The following HHLA1 variants were observed in gnomAD, a reference collection of about 807,000 sequenced individuals.
HHLA1 encodes the protein HERV-H LTR-associating protein 1.
A neutral mutation model predicts 69.9 loss-of-function variants in HHLA1; 72 were observed. That is an observed-to-expected ratio of 1.03 (90% CI 0.85 to 1.25). The LOEUF (loss-of-function observed/expected upper bound fraction) is 1.25, where lower values mean the gene tolerates loss of function less well. HHLA1 is among the 50% of genes most tolerant of loss of function. The probability of loss-of-function intolerance (pLI) is 0.00; values close to 1 mark genes in which losing one functional copy is unlikely to be tolerated. For synonymous variants in HHLA1, 252 were observed against 233.2 expected (o/e 1.08, Z -0.73); for missense variants, 685 against 642.2 (o/e 1.07, Z -0.72).
intron 7 of HHLA1, among the ~76,000 whole-genome samples, chr8:132,089,951 A>T (rs987079711): frequency 6.6e-6 from 1 of 152,174 alleles, no homozygotes; most frequent in Non-Finnish European, 1.5e-5. Flanking sequence ...TTAGAATGCC[A>T]ACTCCATCTG....
intron 7 of HHLA1, among the ~76,000 whole-genome samples, chr8:132,090,063 C>T (rs1227552755): frequency 6.6e-6 from 1 of 152,152 alleles, no homozygotes; most frequent in African/African-American, 2.4e-5. Flanking sequence ...AAACTATGAA[C>T]AATAGAGACA....
At chr8:132,076,450 C>T (rs1193838331) in intron 13 of HHLA1, 25 bp downstream of exon 13, 2 of 1,458,326 alleles carry the variant, frequency 1.4e-6, no homozygotes, top group African/African-American at 1.4e-5. Flanking sequence ...CCCCCAAACC[C>T]CCACTTCCGT....
At position 132,077,784 on chromosome 8, in the gene HHLA1, C is replaced by T. The variant is rs1019577195; in HGVS notation, c.1113G>A (p.Ala371=). The change falls in exon 12 of 17, where the codon GCG becomes GCA. Residue 371 remains alanine, a synonymous_variant. Coordinates refer to ENST00000414222, the MANE Select transcript of HHLA1 (RefSeq NM_001145095.3). Reference sequence around the variant, plus strand: ...GTGTGGCCATTATCTCAGCAGCAGGCGCCAAAAGGCTTGTAGTGTTCATGG... The same window carrying T: ...GTGTGGCCATTATCTCAGCAGCAGGTGCCAAAAGGCTTGTAGTGTTCATGG... ...EEAMNTTSLL[A]PAAEIMATPG... The T allele has an allele frequency of 3.7e-5, 57 of 1,551,628 alleles. No individual in the cohort carries two copies. The highest frequency in any genetic ancestry group is 1.6e-4 in the African/African-American group (12 of 73,142).
chr8:132,083,502 C>T (rs1823798529), intron 10 of HHLA1, among the ~76,000 whole-genome samples: 2 of 152,178 alleles, frequency 1.3e-5, no homozygotes. Flanking sequence ...TGTCAGTCTT[C>T]AGCCGCTAAG....
chr8:132,063,992 G>T lies in HHLA1; in HGVS notation c.*3C>A. On this transcript the variant is annotated 3_prime_UTR_variant, in exon 17 of 17. Coordinates refer to ENST00000414222, the MANE Select transcript of HHLA1 (RefSeq NM_001145095.3). ...GTTATGCCCTAGTGTTATTTTCAAG[G>T]CCTCACACAGACTTGCAGATATTCT... The T allele has an allele frequency of 7.7e-7, 1 of 1,300,076 alleles. No homozygotes were observed. Among genetic ancestry groups the T allele is most frequent in the Non-Finnish European group, 1.0e-6 (1 of 985,098 alleles). 80.5% of individuals were successfully genotyped at this position (1,300,076 alleles called of 1,614,324 possible).
chr8:132,082,247 C>A (rs939669564), intron 10 of HHLA1, among the ~76,000 whole-genome samples: 15 of 152,286 alleles, frequency 9.8e-5, no homozygotes, highest in African/African-American at 3.6e-4. Context: ...GTTATGAGAA[C>A]TGTAGAGAGT....
rs137865472 is a variant in HHLA1, at chr8:132,072,333, T to C, written c.1316-840A>G. 4.6e-3 allele frequency among the ~76,000 whole-genome samples: 697 copies of C among 152,230 alleles called. 6 individuals carry two copies. Among genetic ancestry groups the C allele is most frequent in the African/African-American group, 0.014 (588 of 41,516 alleles). ...AATAGGGAGACCCATCCCTATCATATAGAATGACTGGAAGGATTAAATGAG... is the reference window on the plus strand; with the variant it reads ...AATAGGGAGACCCATCCCTATCATACAGAATGACTGGAAGGATTAAATGAG... On this transcript the variant is annotated intron_variant, in intron 14 of 16. Coordinates refer to ENST00000414222, the MANE Select transcript of HHLA1 (RefSeq NM_001145095.3).
intron 7 of HHLA1, among the ~76,000 whole-genome samples, chr8:132,093,542 T>A (rs1823976255): frequency 1.3e-5 from 2 of 152,312 alleles, no homozygotes; most frequent in African/African-American, 4.8e-5. Context: ...CAGCCTCTCA[T>A]GGTAGCGCTG....
At chr8:132,084,195 C>T (rs964911214) in intron 10 of HHLA1, among the ~76,000 whole-genome samples, 12 of 151,958 alleles carry the variant, frequency 7.9e-5, no homozygotes, top group African/African-American at 2.4e-4. Context: ...AAACTGTAAG[C>T]CGGACCAGGT....
At chr8:132,078,285 C>G (rs973688581) in intron 11 of HHLA1, among the ~76,000 whole-genome samples, 1 of 151,728 alleles carries the variant, frequency 6.6e-6, no homozygotes, top group African/African-American at 2.4e-5. Context: ...TTATTTAATA[C>G]ATTTCTAATC....
chr8:132,067,508 T>C lies in HHLA1; in HGVS notation c.1470-1540A>G, dbSNP rs550209395. ...CCTTTCAAAACTTCCAGAGATAGGA[T>C]GTCAAGGTTGGCCAACTCAACAGCT... On this transcript the variant is annotated intron_variant, in intron 15 of 16. Transcript: ENST00000414222. 3.9e-5 allele frequency among the ~76,000 whole-genome samples: 6 copies of C among 152,204 alleles called. No individual in the cohort carries two copies. The South Asian group carries it at 1.0e-3, about 26-fold the overall frequency.
intron 1 of HHLA1, among the ~76,000 whole-genome samples, chr8:132,106,520 C>G (rs551783837): frequency 6.6e-6 from 1 of 152,336 alleles, no homozygotes; most frequent in East Asian, 1.9e-4. Flanking sequence ...TTTTCCTCAT[C>G]TGCAAAACAG....
At chr8:132,079,631 G>C in intron 11 of HHLA1, 87 bp downstream of exon 11, 2 of 1,371,938 alleles carry the variant, frequency 1.5e-6, no homozygotes, top group Non-Finnish European at 2.0e-6. Context: ...AAGGGATTAA[G>C]GTAAGGATTT....
At position 132,084,964 on chromosome 8, in the gene HHLA1, T is replaced by C. The variant is rs578238341; in HGVS notation, c.676+2689A>G. Among the ~76,000 whole-genome samples, 870 of 148,164 alleles carry C rather than the reference T, an allele frequency of 5.9e-3. 7 individuals are homozygous for C. Among genetic ancestry groups the C allele is most frequent in the African/African-American group, 0.021 (840 of 39,822 alleles). On this transcript the variant is annotated intron_variant, in intron 10 of 16. Coordinates refer to ENST00000414222, the MANE Select transcript of HHLA1 (RefSeq NM_001145095.3). ...GGTACTTGCCCCTGCCCCAGGAAAGTGGGATGTGCCGCTAAGGGTGAAGGA... is the reference window on the plus strand; with the variant it reads ...GGTACTTGCCCCTGCCCCAGGAAAGCGGGATGTGCCGCTAAGGGTGAAGGA...
chr8:132,102,708 T>A (rs1052700434), intron 3 of HHLA1, among the ~76,000 whole-genome samples: 6 of 151,974 alleles, frequency 3.9e-5, no homozygotes, highest in African/African-American at 1.5e-4. Flanking sequence ...GCAGCAGGGA[T>A]GACCCAGGCT....
At chr8:132,069,486 A>G (rs1189663428) in intron 15 of HHLA1, among the ~76,000 whole-genome samples, 1 of 152,222 alleles carries the variant, frequency 6.6e-6, no homozygotes, top group African/African-American at 2.4e-5. Flanking sequence ...GGAAAAATGT[A>G]CTATTCAGTG....
chr8:132,092,445 A>T (rs1217166028), intron 7 of HHLA1, among the ~76,000 whole-genome samples: 1 of 152,102 alleles, frequency 6.6e-6, no homozygotes, highest in Non-Finnish European at 1.5e-5. Context: ...ACAATGCTGG[A>T]GGTGAGGCGT....
intron 3 of HHLA1, among the ~76,000 whole-genome samples, chr8:132,103,042 C>T (rs71526235): frequency 0.029 from 4,485 of 152,136 alleles, 93 homozygotes; most frequent in South Asian, 0.063. Flanking sequence ...TAGAAGGTTC[C>T]TGGCATTTTT....
intron 14 of HHLA1, 145 bp downstream of exon 14, chr8:132,075,910 A>G (rs922291373): frequency 3.4e-6 from 2 of 592,826 alleles, no homozygotes; most frequent in African/African-American, 3.7e-5. Context: ...ACTGGAGGCC[A>G]CCTCACCAGT....
Sources: allele counts gnomAD v4.1 joint callset (sites outside exome capture counted in the v4.1 genomes callset), GRCh38; gene constraint gnomAD v4.1.1; transcripts MANE v1.5; gene names NCBI Gene and HGNC (gene_info 2026-07-23, HGNC 2026-07-21).